The following CACNA1A variants were observed in gnomAD, a reference collection of about 807,000 sequenced individuals.
CACNA1A encodes calcium voltage-gated channel subunit alpha1 A.
CACNA1A carries 57 observed loss-of-function variants against 262.4 expected under a neutral mutation model. That is an observed-to-expected ratio of 0.22 (90% CI 0.18 to 0.27). The LOEUF is 0.27. CACNA1A is among the 10% of genes least tolerant of loss of function. The probability of loss-of-function intolerance (pLI) is 1.00; values close to 1 mark genes in which losing one functional copy is unlikely to be tolerated. For missense variants in CACNA1A, 2,526 were observed against 3,562.8 expected, an observed-to-expected ratio of 0.71 and a Z score of 7.41; for synonymous variants, 1,431 against 1,419.3, an observed-to-expected ratio of 1.01 and a Z score of -0.18.
At chr19:13,455,021 G>T in intron 2 of CACNA1A, 86 bp downstream of exon 2, 1 of 727,034 alleles carries the variant, frequency 1.4e-6, no homozygotes, top group Non-Finnish European at 2.4e-6. Context: ...AGGACTGAGA[G>T]CCTCCTCTGT....
At chr19:13,327,555 T>C (rs1450031309) in intron 10 of CACNA1A, among the ~76,000 whole-genome samples, 1 of 150,112 alleles carries the variant, frequency 6.7e-6, no homozygotes, top group Non-Finnish European at 1.5e-5. Flanking sequence ...TAAAAATATA[T>C]ATACATATAT....
At chr19:13,398,576 T>C (rs765394491) in intron 3 of CACNA1A, among the ~76,000 whole-genome samples, 2 of 152,204 alleles carry the variant, frequency 1.3e-5, no homozygotes, top group African/African-American at 4.8e-5. Context: ...TGCAGCTGAC[T>C]GGAAAGCAGA....
chr19:13,406,474 TATA>T lies in CACNA1A; in HGVS notation c.540-34698_540-34696del, dbSNP rs1442978982. On this transcript the variant is annotated intron_variant, in intron 3 of 46. Coordinates refer to ENST00000360228, the MANE Select transcript of CACNA1A (RefSeq NM_001127222.2). ...TGTCTCAAAAAAAAAATTATATATATATATATATATATATATATATATATATAT... is the reference window on the plus strand; with the variant it reads ...TGTCTCAAAAAAAAAATTATATATATTATATATATATATATATATATATAT... Among the ~76,000 whole-genome samples, 43 of 71,482 alleles carry T rather than the reference TATA, an allele frequency of 6.0e-4. 1 individual carries two copies. Among genetic ancestry groups the T allele is most frequent in the African/African-American group, 2.3e-3 (34 of 14,666 alleles). 46.9% of individuals were successfully genotyped at this position (71,482 alleles called of 152,430 possible). A position where few individuals can be genotyped will look rare whatever the true frequency, so the allele number is the denominator to read the frequency against.
chr19:13,279,814 T>C (rs2057245048), intron 22 of CACNA1A, among the ~76,000 whole-genome samples: 1 of 151,470 alleles, frequency 6.6e-6, no homozygotes, highest in African/African-American at 2.4e-5. Context: ...TTTATTTATT[T>C]ATATATATTT....
chr19:13,400,796 G>A (rs2059887571), intron 3 of CACNA1A, among the ~76,000 whole-genome samples: 1 of 152,160 alleles, frequency 6.6e-6, no homozygotes, highest in Non-Finnish European at 1.5e-5. Context: ...CATCAGTGCT[G>A]TGGCGGAGAA....
intron 6 of CACNA1A, among the ~76,000 whole-genome samples, chr19:13,343,644 G>A (rs1367470568): frequency 6.6e-6 from 1 of 152,054 alleles, no homozygotes; most frequent in African/African-American, 2.4e-5. Flanking sequence ...TCAGACTACC[G>A]TGGGATAAAA....
chr19:13,487,239 G>C lies in CACNA1A; in HGVS notation c.293+18693C>G, dbSNP rs377139367. Among the ~76,000 whole-genome samples the C allele has an allele frequency of 7.2e-5, 11 of 152,330 alleles. No individual in the cohort carries two copies. The East Asian group carries it at 1.9e-3, about 27-fold the overall frequency. ...CCTCTCATTTGTGGCAGCCACAGGA[G>C]AGCAGAACATGGACCTGCTGCTGGG... On this transcript the variant is annotated intron_variant, in intron 1 of 46. Transcript: ENST00000360228.
At chr19:13,330,110 C>G in intron 10 of CACNA1A, 134 bp downstream of exon 10, 1 of 619,204 alleles carries the variant, frequency 1.6e-6, no homozygotes, top group Non-Finnish European at 2.9e-6. Context: ...CCAGGACACA[C>G]GCACAGGTGG....
At chr19:13,255,705 T>TTCCCTCCCTCCCTCTC (rs2056533112) in intron 28 of CACNA1A, among the ~76,000 whole-genome samples, 2 of 31,850 alleles carry the variant, frequency 6.3e-5, no homozygotes, top group Admixed American at 3.5e-4. Context: ...CCCTCCTTCC[T>TTCCCTCCCTCCCTCTC]TCCCTCCCTC....
At chr19:13,331,257 G>A (rs549098991) in intron 9 of CACNA1A, among the ~76,000 whole-genome samples, 2 of 151,820 alleles carry the variant, frequency 1.3e-5, no homozygotes, top group South Asian at 4.2e-4. Flanking sequence ...TTTTTTTTGA[G>A]ACAGAGTCTT....
intron 19 of CACNA1A, among the ~76,000 whole-genome samples, chr19:13,287,515 TTTC>T (rs1485898357): frequency 6.6e-6 from 1 of 152,064 alleles, no homozygotes; most frequent in African/African-American, 2.4e-5. Flanking sequence ...CATCATCTTA[TTTC>T]TTTTCTTTCT....
intron 7 of CACNA1A, 26 bp downstream of exon 7, chr19:13,335,780 T>C (rs1361265216): frequency 7.1e-7 from 1 of 1,413,772 alleles, no homozygotes; most frequent in Admixed American, 1.8e-5. Context: ...GTGAGTGGGA[T>C]GGGGTGGGGA....
intron 1 of CACNA1A, among the ~76,000 whole-genome samples, chr19:13,470,385 G>A (rs912466201): frequency 6.6e-6 from 1 of 152,114 alleles, no homozygotes; most frequent in Non-Finnish European, 1.5e-5. Flanking sequence ...CCATTTTTCT[G>A]TGCCCAGATT....
At chr19:13,351,115 T>A (rs940057592) in intron 6 of CACNA1A, among the ~76,000 whole-genome samples, 1 of 152,212 alleles carries the variant, frequency 6.6e-6, no homozygotes, top group Non-Finnish European at 1.5e-5. Context: ...GTGGTATCTA[T>A]CTGTTCCTCC....
At chr19:13,270,859 C>T (rs2057000496) in intron 24 of CACNA1A, among the ~76,000 whole-genome samples, 1 of 152,182 alleles carries the variant, frequency 6.6e-6, no homozygotes. Context: ...TCTTCCAAAA[C>T]CCTGGGAGAG....
At chr19:13,384,928 T>G (rs534474619) in intron 3 of CACNA1A, among the ~76,000 whole-genome samples, 2 of 152,052 alleles carry the variant, frequency 1.3e-5, no homozygotes, top group Admixed American at 1.3e-4. Context: ...GAGAGGAGAT[T>G]TTCAGGGTGG....
chr19:13,444,308 T>C (rs752127467), intron 3 of CACNA1A, among the ~76,000 whole-genome samples: 3 of 152,346 alleles, frequency 2.0e-5, no homozygotes, highest in Non-Finnish European at 2.9e-5. Flanking sequence ...TTATAGGAAC[T>C]GTTGCTGGTC....
chr19:13,467,514 T>A (rs1325873896), intron 1 of CACNA1A, among the ~76,000 whole-genome samples: 1 of 152,072 alleles, frequency 6.6e-6, no homozygotes, highest in East Asian at 1.9e-4. Context: ...TCACCATACA[T>A]CCTTGTGCAC....
chr19:13,453,058 G>C (rs757109475), intron 2 of CACNA1A, 43 bp from the exon 3 acceptor site: 11 of 1,610,436 alleles, frequency 6.8e-6, no homozygotes, highest in Non-Finnish European at 9.3e-6. Flanking sequence ...GGGCTGGGCA[G>C]ATGTTGACAA....
Sources: allele counts gnomAD v4.1 joint callset (sites outside exome capture counted in the v4.1 genomes callset), GRCh38; gene constraint gnomAD v4.1.1; transcripts MANE v1.5; gene names NCBI Gene and HGNC (gene_info 2026-07-23, HGNC 2026-07-21).